SCN4A: variants seen among roughly 807,000 people sequenced by gnomAD.
SCN4A encodes sodium channel protein type 4 subunit alpha.
SCN4A carries 83 observed loss-of-function variants against 162.0 expected under a neutral mutation model. The observed-to-expected ratio is 0.51, with a 90% CI of 0.43 to 0.61. The LOEUF (loss-of-function observed/expected upper bound fraction) is 0.61. Ranked by LOEUF, SCN4A falls within the 20% of genes least tolerant of loss-of-function variation. The pLI is 0.00. For missense variants in SCN4A, 2,196 were observed against 2,462.5 expected, an observed-to-expected ratio of 0.89 and a Z score of 2.29; for synonymous variants, 944 against 985.1, an observed-to-expected ratio of 0.96 and a Z score of 0.78.
chr17:63,965,681 G>A (rs1228150549), intron 8 of SCN4A, among the ~76,000 whole-genome samples: 1 of 152,150 alleles, frequency 6.6e-6, no homozygotes, highest in Non-Finnish European at 1.5e-5. Context: ...TAGAGATGGG[G>A]TTTCACTATG....
chr17:63,942,110 A>G (rs1908559555), intron 23 of SCN4A, 117 bp from the exon 24 acceptor site: 3 of 1,018,288 alleles, frequency 2.9e-6, no homozygotes, highest in East Asian at 2.6e-5. Flanking sequence ...GTCTCAGAGC[A>G]CAGCCCAGAT....
rs1486813525 is a variant in SCN4A, at chr17:63,972,419, G to A, written c.325C>T (p.Pro109Ser). ...GKAIFRFSAT[P>S]ALYLLSPFSV... The stretch of plus-strand genomic sequence containing the variant: ...AAGGGGCTCAGCAGGTAGAGAGCAG[G>A]TGTGGCGGAGAAGCGGAAGATGGCC... Residue 109 changes from proline (P) to serine (S), a missense_variant, in exon 2 of 24, where the codon CCT (proline) becomes TCT (serine). Coordinates refer to ENST00000435607, the MANE Select transcript of SCN4A (RefSeq NM_000334.4). The surrounding 1 kb of genome is among the most constrained non-coding windows in gnomAD (Gnocchi z 4.3). 4 of 1,614,024 alleles carry A rather than the reference G, an allele frequency of 2.5e-6. No homozygotes were observed. Among genetic ancestry groups the A allele is most frequent in the Middle Eastern group, 3.3e-4 (2 of 6,062 alleles).
Position 63,943,854 on chromosome 17 carries a change from T to C in SCN4A, c.3913-4A>G. On this transcript the variant is annotated splice_region_variant and splice_polypyrimidine_tract_variant and intron_variant, in intron 21 of 23. Coordinates refer to ENST00000435607, the MANE Select transcript of SCN4A (RefSeq NM_000334.4). ...TAAAGATGTCTTTCCCCCCTAAGTATAGTGGGATAGGGCTTGTCAGGTTGA... is the reference window on the plus strand; with the variant it reads ...TAAAGATGTCTTTCCCCCCTAAGTACAGTGGGATAGGGCTTGTCAGGTTGA... The C allele has an allele frequency of 6.3e-7, 1 of 1,575,544 alleles. No homozygotes were observed. Among genetic ancestry groups the C allele is most frequent in the Non-Finnish European group, 8.7e-7 (1 of 1,144,962 alleles).
intron 23 of SCN4A, among the ~76,000 whole-genome samples, 161 bp downstream of exon 23, chr17:63,942,665 C>T (rs990062547): frequency 6.6e-6 from 1 of 152,226 alleles, no homozygotes. Context: ...CCTGTGTGCA[C>T]ACCATGTGCC....
Position 63,951,685 on chromosome 17 carries a change from G to A in SCN4A, c.2592C>T (p.Ala864=), listed in dbSNP as rs200354336. ...IMLSLGEADG[A]GEAGEAGETA... ...TCTCCCCCGCCTCTCCAGCCTCCCC[G>A]GCCCCGTCAGCCTCCCCGAGGCTGA... The change falls in exon 14 of 24, where the codon GCC becomes GCT. Residue 864 remains alanine (A), a synonymous_variant. Coordinates refer to ENST00000435607, the MANE Select transcript of SCN4A (RefSeq NM_000334.4). This position sits in a 1 kb window ranked among gnomAD's most constrained non-coding sequence, Gnocchi z 4.5. 6.1e-5 allele frequency: 97 copies of A among 1,602,618 alleles called. No individual in the cohort carries two copies. In the African/African-American group the frequency reaches 1.1e-3, roughly 19 times the overall value.
rs867372759 is a variant in SCN4A at position 63,951,566 on chromosome 17, G to T, written c.2711C>A (p.Pro904Gln). 1.9e-6 allele frequency: 3 copies of T among 1,613,764 alleles called. No individual in the cohort carries two copies. The highest frequency in any genetic ancestry group is 1.7e-6 in the Non-Finnish European group (2 of 1,179,794). ...AAGGTGGTCCAGCTCGAGGCTGGAT[G>T]GGGGGCCGTCAGCCAGGCCCATGTG... Reference protein sequence around the residue: ...LNHMGLADGPPSSLELDHLNF... With the variant: ...LNHMGLADGPQSSLELDHLNF... Residue 904 changes from proline (P) to glutamine (Q), a missense_variant, in exon 14 of 24, where the codon CCA becomes CAA. Transcript: ENST00000435607. The surrounding 1 kb of genome is among the most constrained non-coding windows in gnomAD (Gnocchi z 4.5).
At chr17:63,947,008 A>AACCCCCCCCCCCCCCCAGGGCCCC in intron 18 of SCN4A, 37 bp downstream of exon 18, 1 of 782,418 alleles carries the variant, frequency 1.3e-6, no homozygotes. Context: ...CCGGTCCCCC[A>AACCCCCCCCCCCCCCCAGGGCCCC]TCCCCAGCCC....
chr17:63,959,253 G>C lies in SCN4A; in HGVS notation c.2019+12C>G. ...CCCCATCCCAGCCCCTGGCCCTGGG[G>C]CTTTTGTGTACCAGACGGAAGGAGC... is the stretch of plus-strand genomic sequence containing the variant. On this transcript the variant is annotated intron_variant, in intron 12 of 23. Transcript: ENST00000435607. The C allele has an allele frequency of 1.9e-6, 3 of 1,604,574 alleles. No homozygotes were observed. The highest frequency in any genetic ancestry group is 2.6e-6 in the Non-Finnish European group (3 of 1,172,526).
chr17:63,940,922 C>T lies in SCN4A; in HGVS notation c.5360G>A (p.Ser1787Asn), dbSNP rs1908500633. 1 of 1,613,874 alleles carries T rather than the reference C, an allele frequency of 6.2e-7. No homozygotes were observed. The highest frequency in any genetic ancestry group is 8.5e-7 in the Non-Finnish European group (1 of 1,179,882). ...SKMYGHENGN[S>N]SSPSPEEKGE... The stretch of plus-strand genomic sequence containing the variant: ...CTTCTCCTCCGGGCTTGGCGAGCTG[C>T]TGTTCCCATTCTCGTGGCCATACAT... The change falls in exon 24 of 24, where the codon AGC becomes AAC. Residue 1787 changes from serine (S) to asparagine (N), a missense_variant. Physicochemically the swap from Ser to Asn is conservative, Grantham distance 46 (BLOSUM62 1). Transcript: ENST00000435607.
intron 6 of SCN4A, among the ~76,000 whole-genome samples, 158 bp downstream of exon 6, chr17:63,967,865 G>A (rs966462760): frequency 6.6e-5 from 10 of 151,808 alleles, no homozygotes; most frequent in Non-Finnish European, 1.3e-4. Context: ...GCCGGGAGGC[G>A]GAGGTTGTAG....
chr17:63,972,911 G>C lies in SCN4A; in HGVS notation c.-70C>G. ...GGGGAGCTGCAGTGCGCAGCCCCGG[G>C]GTGCTGGGCGGCCGCCCCTCCCTGG... On this transcript the variant is annotated 5_prime_UTR_variant, in exon 1 of 24. Transcript: ENST00000435607. This position sits in a 1 kb window ranked among gnomAD's most constrained non-coding sequence, Gnocchi z 4.3. The C allele has an allele frequency of 6.8e-7, 1 of 1,472,290 alleles. No homozygotes were observed. Among genetic ancestry groups the C allele is most frequent in the Non-Finnish European group, 9.0e-7 (1 of 1,110,148 alleles). The allele number at this position is 1,472,290 out of a possible 1,614,324, so 91.2% of individuals were successfully genotyped here. A position where few individuals can be genotyped will look rare whatever the true frequency, so the allele number is the denominator to read the frequency against.
intron 3 of SCN4A, 111 bp from the exon 4 acceptor site, chr17:63,971,961 T>A: frequency 7.8e-7 from 1 of 1,289,988 alleles, no homozygotes; most frequent in African/African-American, 1.5e-5. Flanking sequence ...GCCACTCAGG[T>A]GGCTAAGGAC....
Position 63,947,836 on chromosome 17 carries a change from C to T in SCN4A, c.3318+54G>A, listed in dbSNP as rs1292161528. Reference sequence around the variant, plus strand: ...CAGGGCGTGGGCTTCCTGAGGTCCCCGCCACACTGACAGCCTCTGGATGTA... The same window carrying T: ...CAGGGCGTGGGCTTCCTGAGGTCCCTGCCACACTGACAGCCTCTGGATGTA... On this transcript the variant is annotated intron_variant, in intron 17 of 23. Coordinates refer to ENST00000435607, the MANE Select transcript of SCN4A (RefSeq NM_000334.4). The T allele has an allele frequency of 1.3e-5, 20 of 1,583,390 alleles. No homozygotes were observed. The Admixed American group carries it at 1.8e-4, about 14-fold the overall frequency.
chr17:63,953,232 C>T (rs1192974212), intron 13 of SCN4A, among the ~76,000 whole-genome samples: 4 of 151,946 alleles, frequency 2.6e-5, no homozygotes, highest in South Asian at 2.1e-4. Context: ...TGGTGGCATG[C>T]GCCTGTAGTC....
At chr17:63,954,457 T>C (rs1909011499) in intron 13 of SCN4A, among the ~76,000 whole-genome samples, 1 of 151,992 alleles carries the variant, frequency 6.6e-6, no homozygotes, top group African/African-American at 2.4e-5. Flanking sequence ...TGCACACGGC[T>C]CCTGCCCAAG....
At chr17:63,948,237 G>T (rs576254233) in intron 16 of SCN4A, among the ~76,000 whole-genome samples, 174 bp from the exon 17 acceptor site, 1 of 152,094 alleles carries the variant, frequency 6.6e-6, no homozygotes, top group African/African-American at 2.4e-5. Flanking sequence ...GGATGAGAGC[G>T]TTTCCCAGTG....
Position 63,944,319 on chromosome 17 carries a change from A to AT in SCN4A, c.3912+353dup, listed in dbSNP as rs918992269. ...CACGCCTGGCTAATTTCTTTTTTTAATTTTTTTTGTATTTTTAGTATAGAC... is the reference window on the plus strand; with the variant it reads ...CACGCCTGGCTAATTTCTTTTTTTAATTTTTTTTTGTATTTTTAGTATAGAC... On this transcript the variant is annotated intron_variant, in intron 21 of 23. Coordinates refer to ENST00000435607, the MANE Select transcript of SCN4A (RefSeq NM_000334.4). The surrounding 1 kb of genome is among the most constrained non-coding windows in gnomAD (Gnocchi z 4.3). 1.1e-4 allele frequency among the ~76,000 whole-genome samples: 17 copies of AT among 151,386 alleles called. No homozygotes were observed. Among genetic ancestry groups the AT allele is most frequent in the East Asian group, 1.9e-4 (1 of 5,172 alleles).
At chr17:63,943,237 A>C in intron 22 of SCN4A, 141 bp from the exon 23 acceptor site, 1 of 1,017,162 alleles carries the variant, frequency 9.8e-7, no homozygotes, top group Non-Finnish European at 1.4e-6. Context: ...AGAGAGAGAG[A>C]AAGGAGGTGT....
Position 63,964,610 on chromosome 17 carries a change from T to C in SCN4A, c.1310A>G (p.Tyr437Cys). ...FVVIIFLGSF[Y>C]LINLILAVVA... ...CACGGCCAGGATCAGATTGATGAGG[T>C]AGAAAGAGCCCAGGAAGATGATGAC... The change falls in exon 9 of 24, where the codon TAC becomes TGC. Residue 437 changes from tyrosine (Y) to cysteine (C), a missense_variant. Tyr to Cys is a radical substitution (Grantham distance 194). Coordinates refer to ENST00000435607, the MANE Select transcript of SCN4A (RefSeq NM_000334.4). 1 of 1,613,466 alleles carries C rather than the reference T, an allele frequency of 6.2e-7. No individual in the cohort carries two copies. Among genetic ancestry groups the C allele is most frequent in the Non-Finnish European group, 8.5e-7 (1 of 1,179,750 alleles).
Sources: allele counts gnomAD v4.1 joint callset (sites outside exome capture counted in the v4.1 genomes callset), GRCh38; gene constraint gnomAD v4.1.1; non-coding constraint Gnocchi (gnomAD v3.1); transcripts MANE v1.5; gene names NCBI Gene and HGNC (gene_info 2026-07-23, HGNC 2026-07-21).